KCNH1: variants seen among roughly 807,000 people sequenced by gnomAD.
The protein encoded by KCNH1 is voltage-gated delayed rectifier potassium channel KCNH1.
In KCNH1, 27 loss-of-function variants were observed where a neutral mutation model predicts 69.2. That is an observed-to-expected ratio of 0.39 (90% CI 0.29 to 0.54). The LOEUF is 0.54. KCNH1 is among the 20% of genes least tolerant of loss of function. The pLI, the probability that KCNH1 is intolerant of heterozygous loss-of-function variation, is 0.68. For synonymous variants in KCNH1, 456 were observed against 487.7 expected, an observed-to-expected ratio of 0.93 and a Z score of 0.86; for missense variants, 798 against 1,261.6, an observed-to-expected ratio of 0.63 and a Z score of 5.57.
chr1:210,843,757 C>T (rs1169190933), intron 7 of KCNH1, among the ~76,000 whole-genome samples: 1 of 152,282 alleles, frequency 6.6e-6, no homozygotes, highest in African/African-American at 2.4e-5. Context: ...TTTGTAATAA[C>T]ATTTTGTTGT....
chr1:210,949,731 A>G (rs1688026880), intron 6 of KCNH1, among the ~76,000 whole-genome samples: 1 of 152,238 alleles, frequency 6.6e-6, no homozygotes, highest in Non-Finnish European at 1.5e-5. Context: ...ATCTGCCACA[A>G]TTAGCTATAT....
At position 210,905,684 on chromosome 1, in the gene KCNH1, C is replaced by T. The variant is rs1033122498; in HGVS notation, c.1462+13956G>A. ...AAAAAAATCGTAAAACTGGCCTACC[C>T]TCTCGGTGTTCCCAGTGGGGTTCAC... On this transcript the variant is annotated intron_variant, in intron 7 of 10. Transcript: ENST00000271751. Among the ~76,000 whole-genome samples the T allele has an allele frequency of 2.0e-5, 3 of 152,032 alleles. No homozygotes were observed. The South Asian group carries it at 6.2e-4, about 32-fold the overall frequency.
At chr1:210,871,473 C>G (rs1686244768) in intron 7 of KCNH1, among the ~76,000 whole-genome samples, 1 of 152,166 alleles carries the variant, frequency 6.6e-6, no homozygotes, top group Admixed American at 6.5e-5. Context: ...ACCAGTTCAA[C>G]CATTGTGGAA....
In KCNH1 at chr1:210,683,864, G is replaced by A. The variant is rs770040641; in HGVS notation, c.2387C>T (p.Thr796Met). 34 of 1,614,044 alleles carry A rather than the reference G, an allele frequency of 2.1e-5. No individual in the cohort carries two copies. The highest frequency in any genetic ancestry group is 4.5e-5 in the East Asian group (2 of 44,884). Residue 796 changes from threonine (T) to methionine (M), a missense_variant, in exon 11 of 11, where the codon ACG becomes ATG. By Grantham distance (81) the Thr-to-Met change is moderately conservative. Around this residue, in one of 4 missense-constraint regions of KCNH1, gnomAD observed 331 missense variants for 363.2 expected, o/e 0.91. Transcript: ENST00000271751. This position sits in a 1 kb window ranked among gnomAD's most constrained non-coding sequence, Gnocchi z 5.7. ...SVVTVRESPA[T>M]PVSFQAASTS... ...GGAGGCTGCCTGGAAGGATACGGGC[G>A]TGGCAGGACTCTCACGCACGGTGAC...
chr1:211,026,112 C>T (rs914629925), intron 5 of KCNH1, among the ~76,000 whole-genome samples: 1 of 152,154 alleles, frequency 6.6e-6, no homozygotes, highest in African/African-American at 2.4e-5. Context: ...AACAAGAATA[C>T]AGCAAATAAA....
At chr1:210,707,634 A>G (rs1681946496) in intron 10 of KCNH1, among the ~76,000 whole-genome samples, 1 of 152,170 alleles carries the variant, frequency 6.6e-6, no homozygotes, top group Non-Finnish European at 1.5e-5. Flanking sequence ...AAACATCTTC[A>G]CCACGTTGCT....
chr1:210,897,444 C>CT (rs1686892884), intron 7 of KCNH1, among the ~76,000 whole-genome samples: 1 of 152,182 alleles, frequency 6.6e-6, no homozygotes, highest in Non-Finnish European at 1.5e-5. Flanking sequence ...ACTTTAGAGA[C>CT]TGCCTTCACC....
Position 210,915,032 on chromosome 1 carries a change from G to A in KCNH1, c.1462+4608C>T, listed in dbSNP as rs543946251. 3.9e-5 allele frequency among the ~76,000 whole-genome samples: 6 copies of A among 152,250 alleles called. No homozygotes were observed. The South Asian group carries it at 1.2e-3, about 32-fold the overall frequency. On this transcript the variant is annotated intron_variant, in intron 7 of 10. Transcript: ENST00000271751. ...GTGCAAAGCCCATATTTAGAAAATG[G>A]AAACTGTCTCTTTGCCATCAAATTA... is the stretch of plus-strand genomic sequence containing the variant.
intron 10 of KCNH1, among the ~76,000 whole-genome samples, chr1:210,703,519 G>T (rs576661521): frequency 6.6e-6 from 1 of 152,232 alleles, no homozygotes; most frequent in South Asian, 2.1e-4. Context: ...TAATTGCAAG[G>T]ACTAAAAGAA....
Position 211,111,510 on chromosome 1 carries a change from G to A in KCNH1, c.80-4133C>T, listed in dbSNP as rs191366735. 5.0e-4 allele frequency among the ~76,000 whole-genome samples: 71 copies of A among 142,486 alleles called. No individual in the cohort carries two copies. The East Asian group carries it at 9.1e-3, about 18-fold the overall frequency. 93.5% of individuals were successfully genotyped at this position (142,486 alleles called of 152,430 possible). On this transcript the variant is annotated intron_variant, in intron 1 of 10. Coordinates refer to ENST00000271751, the MANE Select transcript of KCNH1 (RefSeq NM_172362.3). Reference sequence around the variant, plus strand: ...AAGTGAGAACGGCCTCTCCTTGGCCGCCAAACTGCTGGTAAGTGAGGAGCA... The same window carrying A: ...AAGTGAGAACGGCCTCTCCTTGGCCACCAAACTGCTGGTAAGTGAGGAGCA...
chr1:210,714,159 CT>C (rs976624383), intron 10 of KCNH1, among the ~76,000 whole-genome samples: 1 of 152,130 alleles, frequency 6.6e-6, no homozygotes, highest in Non-Finnish European at 1.5e-5. Context: ...GGGCTGTAGA[CT>C]TGCATGTGGA....
intron 6 of KCNH1, among the ~76,000 whole-genome samples, chr1:210,963,262 C>T (rs775197516): frequency 7.9e-5 from 12 of 152,006 alleles, no homozygotes; most frequent in Admixed American, 2.0e-4. Flanking sequence ...GGGACGTCCA[C>T]GCAGAAACCC....
intron 7 of KCNH1, among the ~76,000 whole-genome samples, chr1:210,893,885 T>A (rs1686803227): frequency 6.6e-6 from 1 of 152,186 alleles, no homozygotes; most frequent in South Asian, 2.1e-4. Flanking sequence ...AATTCTGCCA[T>A]TAATCCTACC....
At chr1:211,059,188 G>A (rs1558586568) in intron 5 of KCNH1, among the ~76,000 whole-genome samples, 2 of 151,930 alleles carry the variant, frequency 1.3e-5, no homozygotes, top group Middle Eastern at 3.4e-3. Context: ...GCTGAGGCAG[G>A]AGAATCATTT....
intron 6 of KCNH1, among the ~76,000 whole-genome samples, chr1:210,948,256 G>C (rs1687996087): frequency 6.6e-6 from 1 of 151,156 alleles, no homozygotes; most frequent in Non-Finnish European, 1.5e-5. Flanking sequence ...TTATAAAGCA[G>C]TACAGAAATA....
rs528549083 is a variant in KCNH1 at position 211,054,681 on chromosome 1, G to A, written c.558+28099C>T. 3.9e-4 allele frequency among the ~76,000 whole-genome samples: 59 copies of A among 152,242 alleles called. 2 individuals carry two copies. The highest frequency in any genetic ancestry group is 1.4e-3 in the African/African-American group (57 of 41,554). Reference sequence around the variant, plus strand: ...CTAAATACTGAGGTCCTTGTTTTGCGCTAGAAGCAGTTAAAGTTATTAGCT... The same window carrying A: ...CTAAATACTGAGGTCCTTGTTTTGCACTAGAAGCAGTTAAAGTTATTAGCT... On this transcript the variant is annotated intron_variant, in intron 5 of 10. Coordinates refer to ENST00000271751, the MANE Select transcript of KCNH1 (RefSeq NM_172362.3).
rs1283482405 is a variant in KCNH1, at chr1:210,919,690, G to A, written c.1412C>T (p.Pro471Leu). The A allele has an allele frequency of 6.2e-7, 1 of 1,614,028 alleles. No homozygotes were observed. Among genetic ancestry groups the A allele is most frequent in the African/African-American group, 1.3e-5 (1 of 74,926 alleles). ...AAAGATCTTCTCAATGTCTGTGGAT[G>A]GGGCGATGTTCCCAAAGCCCACACT... ...LTSVGFGNIAPSTDIEKIFAV... is the reference protein window; with the variant it reads ...LTSVGFGNIALSTDIEKIFAV... The change falls in exon 7 of 11, where the codon CCA becomes CTA. Residue 471 changes from proline to leucine, a missense_variant. By Grantham distance (98) the Pro-to-Leu change is moderately conservative (BLOSUM62 -3). Transcript: ENST00000271751. The surrounding 1 kb of genome is among the most constrained non-coding windows in gnomAD (Gnocchi z 4.2).
intron 10 of KCNH1, among the ~76,000 whole-genome samples, chr1:210,707,330 T>G (rs1348052408): frequency 3.3e-5 from 5 of 152,060 alleles, no homozygotes; most frequent in African/African-American, 1.2e-4. Context: ...ACCAGGCCTT[T>G]CCCTGTCAAG....
intron 7 of KCNH1, among the ~76,000 whole-genome samples, chr1:210,868,805 A>G (rs1018069449): frequency 3.9e-5 from 6 of 152,096 alleles, no homozygotes; most frequent in African/African-American, 1.4e-4. Context: ...AATATTGACT[A>G]TATGGAATCA....
Sources: allele counts gnomAD v4.1 joint callset (sites outside exome capture counted in the v4.1 genomes callset), GRCh38; gene constraint gnomAD v4.1.1; regional missense constraint gnomAD v4.1.1; non-coding constraint Gnocchi (gnomAD v3.1); transcripts MANE v1.5; gene names NCBI Gene and HGNC (gene_info 2026-07-23, HGNC 2026-07-21).